Variants in ASIC2 observed in about 807,000 individuals in gnomAD.
ASIC2 encodes the protein acid-sensing ion channel 2.
ASIC2 carries 25 observed loss-of-function variants against 57.3 expected under a neutral mutation model. That is an observed-to-expected ratio of 0.44 (90% CI 0.32 to 0.61). ASIC2 has a LOEUF of 0.61. Among genes scored for constraint, ASIC2 ranks in the 20% least tolerant of loss-of-function variants. The probability of loss-of-function intolerance (pLI) is 0.06; values close to 1 mark genes in which losing one functional copy is unlikely to be tolerated. For missense variants in ASIC2, 641 were observed against 738.1 expected, an observed-to-expected ratio of 0.87 and a Z score of 1.52; for synonymous variants, 319 against 307.5, an observed-to-expected ratio of 1.04 and a Z score of -0.39.
intron 1 of ASIC2, among the ~76,000 whole-genome samples, chr17:34,067,477 A>T (rs539968713): frequency 6.6e-6 from 1 of 152,322 alleles, no homozygotes; most frequent in Non-Finnish European, 1.5e-5. Context: ...AGTGTGGAAA[A>T]GAGACTGTTA....
chr17:33,056,879 A>G (rs946685033), intron 3 of ASIC2, among the ~76,000 whole-genome samples: 1 of 152,168 alleles, frequency 6.6e-6, no homozygotes, highest in African/African-American at 2.4e-5. Context: ...CACTTGCATT[A>G]TCTCTCAAAG....
intron 1 of ASIC2, among the ~76,000 whole-genome samples, chr17:33,589,933 A>G (rs1904772500): frequency 6.6e-6 from 1 of 152,192 alleles, no homozygotes; most frequent in African/African-American, 2.4e-5. Context: ...GAAGGCTAAG[A>G]ATGACCAAGC....
At chr17:33,944,718 A>G (rs150305649) in intron 1 of ASIC2, among the ~76,000 whole-genome samples, 299 of 152,304 alleles carry the variant, frequency 2.0e-3, no homozygotes, top group African/African-American at 6.8e-3. Context: ...TGAGAATGAG[A>G]TGAGCTAATC....
chr17:33,725,826 T>C (rs964368299), intron 1 of ASIC2, among the ~76,000 whole-genome samples: 1 of 151,110 alleles, frequency 6.6e-6, no homozygotes, highest in African/African-American at 2.4e-5. Flanking sequence ...GTGGGTCTCT[T>C]GTGGCTCACA....
intron 1 of ASIC2, among the ~76,000 whole-genome samples, chr17:33,303,929 G>GA (rs1249803700): frequency 5.3e-5 from 8 of 151,742 alleles, no homozygotes; most frequent in Non-Finnish European, 7.4e-5. Context: ...TAAGAGCTAT[G>GA]AAAAAAAACA....
chr17:33,362,582 A>G lies in ASIC2; in HGVS notation c.556-250515T>C, dbSNP rs1286921050. ...AGAGGGCATTTAACTGGGGAGTGTC[A>G]GTGCCTCCCTCTTGAAACGGTGGTG... On this transcript the variant is annotated intron_variant, in intron 1 of 9. Coordinates refer to the ASIC2 transcript ENST00000359872. Among the ~76,000 whole-genome samples the G allele has an allele frequency of 7.2e-5, 11 of 152,334 alleles. No homozygotes were observed. In the East Asian group the frequency reaches 2.1e-3, roughly 29 times the overall value.
rs367949658 is a variant in ASIC2 at position 33,782,882 on chromosome 17, C to T, written c.555+373096G>A. On this transcript the variant is annotated intron_variant, in intron 1 of 9. Coordinates refer to the ASIC2 transcript ENST00000359872. The stretch of plus-strand genomic sequence containing the variant: ...AGCCCCCCTGACCTTATCTCCTCCT[C>T]TCCGTCCCACTTGTTCTAGCTACAG... 3.0e-4 allele frequency among the ~76,000 whole-genome samples: 45 copies of T among 152,314 alleles called. 1 individual carries two copies. Among genetic ancestry groups the T allele is most frequent in the African/African-American group, 1.0e-3 (42 of 41,572 alleles).
At position 33,656,887 on chromosome 17, in the gene ASIC2, T is replaced by A. The variant is rs76909835; in HGVS notation, c.555+499091A>T. Among the ~76,000 whole-genome samples, 803 of 152,292 alleles carry A rather than the reference T, an allele frequency of 5.3e-3. 5 individuals carry two copies. The highest frequency in any genetic ancestry group is 0.019 in the African/African-American group (776 of 41,548). On this transcript the variant is annotated intron_variant, in intron 1 of 9. Coordinates refer to the ASIC2 transcript ENST00000359872. ...AAAGGCTATGAAGAAGCAGAAGTCT[T>A]GTGAAGGTGTTGTTGGGAAAGAGAA... is the stretch of plus-strand genomic sequence containing the variant.
intron 1 of ASIC2, among the ~76,000 whole-genome samples, chr17:33,831,239 A>C (rs1003495315): frequency 6.6e-6 from 1 of 150,758 alleles, no homozygotes; most frequent in Non-Finnish European, 1.5e-5. Flanking sequence ...TCTCCTCCCT[A>C]GTCGAGATTT....
At chr17:33,430,611 C>T (rs1279930589) in intron 1 of ASIC2, among the ~76,000 whole-genome samples, 1 of 152,190 alleles carries the variant, frequency 6.6e-6, no homozygotes, top group African/African-American at 2.4e-5. Context: ...CTGGAAAGCC[C>T]ATGGTCCATC....
At chr17:34,028,465 G>C (rs1426147684) in intron 1 of ASIC2, among the ~76,000 whole-genome samples, 1 of 152,212 alleles carries the variant, frequency 6.6e-6, no homozygotes, top group Admixed American at 6.5e-5. Context: ...ACTCAAATGA[G>C]TGTGTAGTCT....
intron 1 of ASIC2, among the ~76,000 whole-genome samples, chr17:33,371,405 G>T (rs998798670): frequency 1.3e-5 from 2 of 152,220 alleles, no homozygotes; most frequent in Non-Finnish European, 2.9e-5. Context: ...AAAGCAAGAG[G>T]CTCACAGGGA....
At chr17:33,129,559 A>T (rs543838327) in intron 1 of ASIC2, among the ~76,000 whole-genome samples, 2 of 152,346 alleles carry the variant, frequency 1.3e-5, no homozygotes, top group African/African-American at 4.8e-5. Context: ...TTCTTGGGAG[A>T]TGCACATATT....
chr17:33,977,375 G>A (rs955923395), intron 1 of ASIC2, among the ~76,000 whole-genome samples: 2 of 152,180 alleles, frequency 1.3e-5, no homozygotes, highest in Non-Finnish European at 2.9e-5. Context: ...CGTGGCAGTG[G>A]TTCAGTGATC....
intron 1 of ASIC2, among the ~76,000 whole-genome samples, chr17:33,542,871 T>C (rs1362967072): frequency 6.6e-6 from 1 of 151,424 alleles, no homozygotes; most frequent in African/African-American, 2.4e-5. Context: ...AGGGTTTTTA[T>C]GGTTTTAGGT....
intron 1 of ASIC2, among the ~76,000 whole-genome samples, chr17:33,790,695 C>T (rs961621360): frequency 3.3e-5 from 5 of 152,148 alleles, no homozygotes; most frequent in African/African-American, 7.2e-5. Flanking sequence ...CATACACACA[C>T]ACACATCTCA....
At position 33,825,737 on chromosome 17, in the gene ASIC2, C is replaced by G. The variant is rs560537330; in HGVS notation, c.555+330241G>C. On this transcript the variant is annotated intron_variant, in intron 1 of 9. Transcript: ENST00000359872. ...AACCTAAGGTTCCTTTGGACACCAT[C>G]GAATCTAAGAACAGAATCACAAAGA... Among the ~76,000 whole-genome samples, 8 of 152,236 alleles carry G rather than the reference C, an allele frequency of 5.3e-5. No homozygotes were observed. The East Asian group carries it at 1.5e-3, about 29-fold the overall frequency.
chr17:33,816,212 A>G (rs1174095796), intron 1 of ASIC2, among the ~76,000 whole-genome samples: 1 of 152,084 alleles, frequency 6.6e-6, no homozygotes, highest in Non-Finnish European at 1.5e-5. Flanking sequence ...CAGGTGGAGA[A>G]GCTTCTAATT....
intron 1 of ASIC2, among the ~76,000 whole-genome samples, chr17:33,949,407 G>T (rs1390637970): frequency 6.6e-6 from 1 of 152,064 alleles, no homozygotes; most frequent in East Asian, 1.9e-4. Flanking sequence ...GCATAGCCTG[G>T]CACCACACTG....
Sources: gnomAD v4.1 joint callset for allele counts (sites outside exome capture counted in the v4.1 genomes callset) on GRCh38, gnomAD v4.1.1 for gene constraint, MANE v1.5 for transcripts, NCBI Gene and HGNC (gene_info 2026-07-23, HGNC 2026-07-21) for gene names.